Variants in PRDM11 observed in about 807,000 individuals in gnomAD.
PRDM11 encodes the protein PR/SET domain 11.
Under a neutral mutation model 97.8 loss-of-function variants are expected in PRDM11, and 20 were observed. The ratio of observed to expected loss-of-function variants is 0.20; its 90% CI spans 0.14 to 0.30. The LOEUF (loss-of-function observed/expected upper bound fraction) is 0.30, where lower values mean the gene tolerates loss of function less well. PRDM11 is among the 10% of genes least tolerant of loss of function. PRDM11 has a pLI of 1.00. For missense variants in PRDM11, 1,139 were observed against 1,555.2 expected (o/e 0.73, Z 4.50); for synonymous variants, 599 against 637.7 (o/e 0.94, Z 0.91).
chr11:45,133,146 A>C lies in PRDM11; in HGVS notation c.96+37245A>C, dbSNP rs1231307898. On this transcript the variant is annotated intron_variant, in intron 1 of 6. Transcript: ENST00000530656. ...ATATTTAACTCTGCCTTCTCTTTCT[A>C]ACACTTTTCATCCAAATAGCTCAAA... Among the ~76,000 whole-genome samples the C allele has an allele frequency of 3.3e-5, 5 of 152,218 alleles. No homozygotes were observed. In the East Asian group the frequency reaches 7.7e-4, roughly 23 times the overall value.
chr11:45,095,926 G>C, intron 1 of PRDM11: 1 of 779,720 alleles, frequency 1.3e-6, no homozygotes, highest in Non-Finnish European at 2.4e-6. Flanking sequence ...CTGCTAATGT[G>C]GGGGCTCCTC....
At chr11:45,138,159 G>T (rs2135662006) in intron 1 of PRDM11, among the ~76,000 whole-genome samples, 1 of 152,296 alleles carries the variant, frequency 6.6e-6, no homozygotes, top group East Asian at 1.9e-4. Context: ...GAAAGCCACT[G>T]CCTGAAAGGG....
intron 1 of PRDM11, among the ~76,000 whole-genome samples, chr11:45,097,864 G>A (rs1173009363): frequency 6.6e-6 from 1 of 152,232 alleles, no homozygotes; most frequent in Non-Finnish European, 1.5e-5. Flanking sequence ...GTGGGGAGTG[G>A]GGAATATGAC....
chr11:45,190,984 G>C (rs1376077102), intron 4 of PRDM11, among the ~76,000 whole-genome samples: 1 of 152,128 alleles, frequency 6.6e-6, no homozygotes, highest in African/African-American at 2.4e-5. Context: ...CTCAGCTATA[G>C]TTCGTATTCA....
At chr11:45,098,095 G>A (rs1851915295) in intron 1 of PRDM11, among the ~76,000 whole-genome samples, 1 of 152,220 alleles carries the variant, frequency 6.6e-6, no homozygotes, top group South Asian at 2.1e-4. Flanking sequence ...CATGGACAGT[G>A]CCCTAGCGGC....
chr11:45,126,776 C>T (rs1161038969), intron 1 of PRDM11, among the ~76,000 whole-genome samples: 4 of 152,166 alleles, frequency 2.6e-5, no homozygotes, highest in African/African-American at 4.8e-5. Flanking sequence ...AACATTGTTT[C>T]CTTCATTTCA....
upstream of PRDM11, among the ~76,000 whole-genome samples, chr11:45,146,258 G>A (rs1036300906): frequency 2.0e-5 from 3 of 152,060 alleles, no homozygotes; most frequent in Non-Finnish European, 2.9e-5. Flanking sequence ...CAAACGCGTC[G>A]ACTCCCCCCG....
intron 4 of PRDM11, among the ~76,000 whole-genome samples, chr11:45,195,751 T>C (rs772365542): frequency 9.2e-5 from 14 of 151,922 alleles, no homozygotes; most frequent in Non-Finnish European, 1.3e-4. Context: ...TTTTTTTTTG[T>C]ACTTTAGTAG....
intron 1 of PRDM11, among the ~76,000 whole-genome samples, chr11:45,154,548 C>G (rs1262856175): frequency 6.6e-6 from 1 of 152,086 alleles, no homozygotes; most frequent in Admixed American, 6.5e-5. Flanking sequence ...CATCCTGCTC[C>G]CAAGCAGCAG....
At chr11:45,122,206 C>CACACACAG (rs1852446805) in intron 1 of PRDM11, among the ~76,000 whole-genome samples, 1 of 89,444 alleles carries the variant, frequency 1.1e-5, no homozygotes, top group East Asian at 2.2e-4. Flanking sequence ...CACACAGACA[C>CACACACAG]ACACACACAC....
At chr11:45,120,102 A>C (rs1852396879) in intron 1 of PRDM11, among the ~76,000 whole-genome samples, 1 of 152,222 alleles carries the variant, frequency 6.6e-6, no homozygotes. Flanking sequence ...AATTTGTTGA[A>C]TGTATTTAAC....
chr11:45,146,110 C>G (rs1160859268), upstream of PRDM11, among the ~76,000 whole-genome samples: 1 of 152,216 alleles, frequency 6.6e-6, no homozygotes, highest in Non-Finnish European at 1.5e-5. Flanking sequence ...TTAACGAACC[C>G]CAAGCCCCTC....
intron 4 of PRDM11, 87 bp downstream of exon 4, chr11:45,183,210 G>GC: frequency 6.8e-7 from 1 of 1,463,898 alleles, no homozygotes; most frequent in Non-Finnish European, 9.1e-7. Flanking sequence ...GCCCAGCTTG[G>GC]CCCCAGAACT....
chr11:45,226,558 C>T lies in PRDM11; in HGVS notation c.1933C>T (p.Arg645Trp). 2.0e-6 allele frequency: 3 copies of T among 1,533,910 alleles called. No individual in the cohort carries two copies. Among genetic ancestry groups the T allele is most frequent in the Non-Finnish European group, 2.6e-6 (3 of 1,146,740 alleles). The stretch of plus-strand genomic sequence containing the variant: ...CATCCATCACATCGCCCGGGCCCTG[C>T]GGGAAGACCTGGTGGAGCGCATCCG... Reference protein sequence around the residue: ...ILIHHIARALREDLVERIRQS... With the variant: ...ILIHHIARALWEDLVERIRQS... The change falls in exon 8 of 8, where the codon CGG becomes TGG. Residue 645 changes from arginine (R) to tryptophan (W), a missense_variant. Around this residue, in one of 2 missense-constraint regions of PRDM11, gnomAD observed 710 missense variants for 1,044.9 expected, o/e 0.68. Coordinates refer to ENST00000683152, the MANE Select transcript of PRDM11 (RefSeq NM_001384648.1).
rs1195546997 is a variant in PRDM11 at position 45,226,137 on chromosome 11, C to G, written c.1512C>G (p.Ile504Met). The G allele has an allele frequency of 3.3e-6, 5 of 1,533,154 alleles. No individual in the cohort carries two copies. The South Asian group carries it at 3.6e-5, about 11-fold the overall frequency. 95.0% of individuals were successfully genotyped at this position (1,533,154 alleles called of 1,614,324 possible). A position where few individuals can be genotyped will look rare whatever the true frequency, so the allele number is the denominator to read the frequency against. ...TGTCATCGGCCACCGGGCGCCGAAT[C>G]CGGCGCTTTAAGCAGGAATGGCTGA... is the stretch of plus-strand genomic sequence containing the variant. ...SKMSSATGRR[I>M]RRFKQEWLKK... is the part of the protein sequence containing the mutation. The change falls in exon 8 of 8, where the codon ATC (isoleucine) becomes ATG (methionine). Residue 504 changes from isoleucine to methionine, a missense_variant. Ile to Met is a conservative substitution (Grantham distance 10). Transcript: ENST00000683152.
At chr11:45,162,461 C>T (rs1455787840) in intron 1 of PRDM11, among the ~76,000 whole-genome samples, 1 of 152,130 alleles carries the variant, frequency 6.6e-6, no homozygotes, top group Non-Finnish European at 1.5e-5. Context: ...CTCACAGAGC[C>T]TGCTGCTGGG....
At chr11:45,213,585 T>C in intron 5 of PRDM11, 1 of 456,462 alleles carries the variant, frequency 2.2e-6, no homozygotes, top group Non-Finnish European at 4.4e-6. Context: ...GTGCTTGCCT[T>C]TTTTGGAGTG....
intron 1 of PRDM11, among the ~76,000 whole-genome samples, chr11:45,098,113 G>A (rs1014989627): frequency 3.3e-5 from 5 of 152,202 alleles, no homozygotes; most frequent in Non-Finnish European, 1.5e-5. Context: ...GGCACCTTCA[G>A]GGAACCCACC....
intron 6 of PRDM11, among the ~76,000 whole-genome samples, chr11:45,220,465 C>T (rs1157511833): frequency 6.6e-6 from 1 of 152,216 alleles, no homozygotes; most frequent in Non-Finnish European, 1.5e-5. Context: ...ACTTTTAATA[C>T]TCATGATCCC....
Sources: allele counts gnomAD v4.1 joint callset (sites outside exome capture counted in the v4.1 genomes callset), GRCh38; gene constraint gnomAD v4.1.1; regional missense constraint gnomAD v4.1.1; transcripts MANE v1.5; gene names NCBI Gene and HGNC (gene_info 2026-07-23, HGNC 2026-07-21).